Variants in CHD1L observed in about 807,000 individuals in gnomAD.
CHD1L encodes the protein chromodomain helicase DNA binding protein 1 like.
A neutral mutation model predicts 115.9 loss-of-function variants in CHD1L; 118 were observed. The observed-to-expected ratio is 1.02, with a 90% CI of 0.88 to 1.19. The LOEUF (loss-of-function observed/expected upper bound fraction) is 1.19, where lower values mean the gene tolerates loss of function less well. Ranked by LOEUF, CHD1L falls within the 50% of genes most tolerant of loss-of-function variation. CHD1L has a pLI of 0.00. For synonymous variants in CHD1L, 411 were observed against 387.1 expected, an observed-to-expected ratio of 1.06 and a Z score of -0.72; for missense variants, 1,179 against 1,065.3, an observed-to-expected ratio of 1.11 and a Z score of -1.49.
chr1:147,184,614 T>G, the CHD1L span: 1 of 1,546,992 alleles, frequency 6.5e-7, no homozygotes. The surrounding 1 kb of genome is among the most constrained non-coding windows in gnomAD (Gnocchi z 4.4). Context: ...TTGTCTGATG[T>G]TTTTCTCATG....
the CHD1L span, among the ~76,000 whole-genome samples, chr1:147,182,531 T>C: frequency 3.9e-5 from 6 of 152,240 alleles, no homozygotes; most frequent in African/African-American, 1.2e-4. Context: ...TTCTGTTAAA[T>C]GTAGCTGAAG....
chr1:147,287,321 C>T (rs1286368080), intron 18 of CHD1L, among the ~76,000 whole-genome samples: 4 of 152,198 alleles, frequency 2.6e-5, no homozygotes, highest in African/African-American at 9.7e-5. Flanking sequence ...TCTACTCACT[C>T]TGTAATGTTC....
chr1:147,191,675 AT>A, the CHD1L span, among the ~76,000 whole-genome samples: 5 of 147,994 alleles, frequency 3.4e-5, no homozygotes, highest in South Asian at 1.1e-3. Context: ...TCCATCTTGA[AT>A]TGATTTTTGT....
Position 147,242,921 on chromosome 1 carries a change from G to T in CHD1L, c.127+91G>T. 4.1e-6 allele frequency: 5 copies of T among 1,222,150 alleles called. No homozygotes were observed. The South Asian group carries it at 2.1e-4, about 51-fold the overall frequency. 75.7% of individuals were successfully genotyped at this position (1,222,150 alleles called of 1,614,324 possible). Reference sequence around the variant, plus strand: ...GGGGGCGCAGCGGGTGGGCCGCCCGGTGGGCAGTTTACCCGCTCGCGCCAG... The same window carrying T: ...GGGGGCGCAGCGGGTGGGCCGCCCGTTGGGCAGTTTACCCGCTCGCGCCAG... On this transcript the variant is annotated intron_variant, in intron 1 of 22. Coordinates refer to ENST00000369258, the MANE Select transcript of CHD1L (RefSeq NM_004284.6).
the CHD1L span, chr1:147,214,940 A>G: frequency 6.6e-6 from 1 of 152,162 alleles, no homozygotes; most frequent in Non-Finnish European, 1.5e-5. Context: ...GACTTACTTT[A>G]GAAGTTCACT....
At chr1:147,282,086 C>T (rs989473032) in intron 15 of CHD1L, among the ~76,000 whole-genome samples, 3 of 152,132 alleles carry the variant, frequency 2.0e-5, no homozygotes, top group Non-Finnish European at 2.9e-5. Context: ...TTTCCCCAAC[C>T]GTCTGGTATT....
the CHD1L span, among the ~76,000 whole-genome samples, chr1:147,233,972 C>T: frequency 1.3e-5 from 2 of 152,158 alleles, no homozygotes; most frequent in East Asian, 1.9e-4. Context: ...GGCGGCAGGG[C>T]CCTCTGCCTA....
intron 12 of CHD1L, among the ~76,000 whole-genome samples, chr1:147,274,956 G>A (rs182141371): frequency 5.3e-5 from 8 of 152,210 alleles, no homozygotes; most frequent in African/African-American, 1.9e-4. Flanking sequence ...TTGACAGTGC[G>A]CACTGCAGAC....
intron 7 of CHD1L, among the ~76,000 whole-genome samples, chr1:147,265,109 C>T (rs1673362070): frequency 6.6e-6 from 1 of 151,836 alleles, no homozygotes; most frequent in Admixed American, 6.6e-5. Context: ...CCATCTATCC[C>T]TGTGATATTA....
chr1:147,175,829 A>G, the CHD1L span: 1 of 152,032 alleles, frequency 6.6e-6, no homozygotes, highest in Non-Finnish European at 1.5e-5. Flanking sequence ...GATACATACA[A>G]TAATATTGAT....
intron 15 of CHD1L, among the ~76,000 whole-genome samples, chr1:147,281,213 G>A (rs1223162042): frequency 1.3e-5 from 2 of 152,160 alleles, no homozygotes; most frequent in Admixed American, 1.3e-4. Context: ...AGTAGCCACT[G>A]CTCTGATCCA....
At chr1:147,175,713 A>G in the CHD1L span, 3 of 152,146 alleles carry the variant, frequency 2.0e-5, no homozygotes, top group Admixed American at 6.6e-5. Flanking sequence ...AGTCTCAGGT[A>G]TGTCTTTATA....
chr1:147,175,369 G>T, the CHD1L span: 3 of 152,116 alleles, frequency 2.0e-5, no homozygotes, highest in African/African-American at 7.2e-5. Flanking sequence ...ATATGGTTTG[G>T]TTCTGTGTCC....
the CHD1L span, among the ~76,000 whole-genome samples, chr1:147,219,210 T>G: frequency 6.6e-6 from 1 of 152,178 alleles, no homozygotes; most frequent in South Asian, 2.1e-4. Flanking sequence ...AACTGTAAAA[T>G]TAAATTTACA....
Position 147,242,779 on chromosome 1 carries a change from G to T in CHD1L, c.76G>T (p.Ala26Ser). 7.9e-7 allele frequency: 1 copy of T among 1,271,066 alleles called. No individual in the cohort carries two copies. The highest frequency in any genetic ancestry group is 3.0e-5 in the East Asian group (1 of 33,560). 78.7% of individuals were successfully genotyped at this position (1,271,066 alleles called of 1,614,324 possible). ...FLLRLHTEGR[A>S]EAARVQEQDL... ...ACTGCGGCTTCATACTGAGGGCCGA[G>T]CCGAGGCGGCGCGGGTGCAGGAGCA... The change falls in exon 1 of 23, where the codon GCC becomes TCC. Residue 26 changes from alanine (A) to serine (S), a missense_variant. Physicochemically the swap from Ala to Ser is moderately conservative, Grantham distance 99. Transcript: ENST00000369258.
chr1:147,289,362 C>T (rs7554833), intron 19 of CHD1L, among the ~76,000 whole-genome samples: 27,078 of 151,976 alleles, frequency 0.18, 3,082 homozygotes, highest in Middle Eastern at 0.26. Flanking sequence ...GAACCTTGTG[C>T]GGTATTTTGA....
chr1:147,258,681 T>C (rs1670921507), intron 5 of CHD1L, among the ~76,000 whole-genome samples: 1 of 152,190 alleles, frequency 6.6e-6, no homozygotes, highest in Non-Finnish European at 1.5e-5. Context: ...CTCTGGAGTT[T>C]CTCTGTAGCC....
At chr1:147,255,560 TG>T (rs143114353) in intron 3 of CHD1L, among the ~76,000 whole-genome samples, 2,623 of 152,234 alleles carry the variant, frequency 0.017, 78 homozygotes, top group African/African-American at 0.06. Flanking sequence ...GTAACTCATG[TG>T]GAAGAGATCG....
the CHD1L span, among the ~76,000 whole-genome samples, chr1:147,226,501 T>C: frequency 6.6e-6 from 1 of 152,188 alleles, no homozygotes. Context: ...TATCCACTTC[T>C]AAAATGTAAC....
Sources: allele counts gnomAD v4.1 joint callset (sites outside exome capture counted in the v4.1 genomes callset), GRCh38; gene constraint gnomAD v4.1.1; non-coding constraint Gnocchi (gnomAD v3.1); transcripts MANE v1.5; gene names NCBI Gene and HGNC (gene_info 2026-07-23, HGNC 2026-07-21).